Variants in DPP4 observed in about 807,000 individuals in gnomAD.
The protein encoded by DPP4 is ADCP-2.
In DPP4, 93 loss-of-function variants were observed where a neutral mutation model predicts 122.4. The observed-to-expected ratio is 0.76, with a 90% CI of 0.64 to 0.90. The LOEUF is 0.90. Among genes scored for constraint, DPP4 ranks in the 40% least tolerant of loss-of-function variants. DPP4 has a pLI of 0.00. For synonymous variants in DPP4, 321 were observed against 302.9 expected (o/e 1.06, Z -0.62); for missense variants, 914 against 907.3 (o/e 1.01, Z -0.09).
At chr2:162,040,662 T>C (rs1023277316) in intron 5 of DPP4, among the ~76,000 whole-genome samples, 1 of 152,010 alleles carries the variant, frequency 6.6e-6, no homozygotes, top group African/African-American at 2.4e-5. Flanking sequence ...TCAAGAGCCA[T>C]AGATTTGTCA....
At chr2:162,052,926 C>T (rs1377501361) in intron 2 of DPP4, among the ~76,000 whole-genome samples, 4 of 152,092 alleles carry the variant, frequency 2.6e-5, no homozygotes, top group African/African-American at 7.2e-5. Context: ...AAGTGGCACT[C>T]GGCTGAATTG....
chr2:162,027,215 G>A (rs537348170), intron 10 of DPP4, among the ~76,000 whole-genome samples: 8 of 152,146 alleles, frequency 5.3e-5, no homozygotes, highest in African/African-American at 1.9e-4. Context: ...GCCAGGTGTG[G>A]TGGCACACAC....
chr2:162,005,770 G>A lies in DPP4; in HGVS notation c.2027C>T (p.Pro676Leu), dbSNP rs1701267990. The A allele has an allele frequency of 6.2e-7, 1 of 1,613,070 alleles. No homozygotes were observed. Among genetic ancestry groups the A allele is most frequent in the East Asian group, 2.2e-5 (1 of 44,810 alleles). ...YTERYMGLPT[P>L]EDNLDHYRNS... is the part of the protein sequence containing the mutation. ...TCTGTAATGGTCAAGGTTGTCTTCT[G>A]GAGTTGGGAGACCCATGTAACGTTC... is the stretch of plus-strand genomic sequence containing the variant. Residue 676 changes from proline (P) to leucine (L), a missense_variant, in exon 23 of 26, where the codon CCA (proline) becomes CTA (leucine). Pro to Leu is a moderately conservative substitution (Grantham distance 98, BLOSUM62 -3). Coordinates refer to ENST00000360534, the MANE Select transcript of DPP4 (RefSeq NM_001935.4).
chr2:161,993,275 T>C lies in DPP4; in HGVS notation c.*8A>G. The C allele has an allele frequency of 6.3e-7, 1 of 1,597,768 alleles. No individual in the cohort carries two copies. Among genetic ancestry groups the C allele is most frequent in the Non-Finnish European group, 8.6e-7 (1 of 1,165,338 alleles). ...AATAAGCTTTAAATGGCATGGTATTTTGAGGTGCTAAGGTAAAGAGAAACA... is the reference window on the plus strand; with the variant it reads ...AATAAGCTTTAAATGGCATGGTATTCTGAGGTGCTAAGGTAAAGAGAAACA... On this transcript the variant is annotated 3_prime_UTR_variant, in exon 26 of 26. Transcript: ENST00000360534.
chr2:162,034,565 C>T (rs2160927), intron 9 of DPP4, among the ~76,000 whole-genome samples: 50,330 of 152,012 alleles, frequency 0.33, 8,762 homozygotes, highest in East Asian at 0.65. Flanking sequence ...GTGAAGAATT[C>T]CTGGTTCCCT....
rs1392041944 is a variant in DPP4 at position 162,017,130 on chromosome 2, TAG to T, written c.1444_1445del (p.Leu482ThrfsTer6). ...TACCTTTATCATTCACGCTGCTGTG[TAG>T]AGTATAGAGGGGCAGACCAGGACCT... is the stretch of plus-strand genomic sequence containing the variant. Reference protein sequence around the residue: ...CSGPGLPLYTLHSSVNDKGLR... With the variant: ...CSGPGLPLYTXHSSVNDKGLR... On this transcript the variant is annotated frameshift_variant, in exon 17 of 26. Coordinates refer to ENST00000360534, the MANE Select transcript of DPP4 (RefSeq NM_001935.4). LOFTEE classifies it high-confidence loss of function. 1.9e-5 allele frequency: 30 copies of T among 1,612,200 alleles called. No homozygotes were observed. Among genetic ancestry groups the T allele is most frequent in the Non-Finnish European group, 2.5e-5 (30 of 1,179,848 alleles).
intron 2 of DPP4, chr2:162,073,123 T>A (rs965005906): frequency 6.6e-6 from 2 of 303,988 alleles, no homozygotes; most frequent in African/African-American, 2.1e-5. Context: ...ATTGAAATTT[T>A]AAAAATCCCG....
chr2:162,024,249 C>T lies in DPP4; in HGVS notation c.1023+555G>A, dbSNP rs148438190. 1.9e-3 allele frequency among the ~76,000 whole-genome samples: 285 copies of T among 152,344 alleles called. 1 individual carries two copies. The highest frequency in any genetic ancestry group is 6.6e-3 in the African/African-American group (273 of 41,586). The stretch of plus-strand genomic sequence containing the variant: ...CATCCTAGTTGGACCTCATGGTCTC[C>T]TGGCTAGAAGCCTCCCAGCACCTCA... On this transcript the variant is annotated intron_variant, in intron 11 of 25. Coordinates refer to ENST00000360534, the MANE Select transcript of DPP4 (RefSeq NM_001935.4).
chr2:162,048,090 T>C (rs1295002593), intron 2 of DPP4, among the ~76,000 whole-genome samples: 1 of 152,168 alleles, frequency 6.6e-6, no homozygotes, highest in Non-Finnish European at 1.5e-5. Flanking sequence ...TTTCAGAGGC[T>C]TTGGGGCCCA....
intron 2 of DPP4, among the ~76,000 whole-genome samples, chr2:162,053,223 A>C (rs1331189444): frequency 2.6e-4 from 39 of 152,194 alleles, no homozygotes; most frequent in Admixed American, 2.6e-3. Flanking sequence ...AGTATGGAGA[A>C]TAGGAAGCCA....
intron 23 of DPP4, among the ~76,000 whole-genome samples, chr2:162,002,710 G>A (rs1701182290): frequency 6.6e-6 from 1 of 152,040 alleles, no homozygotes; most frequent in Non-Finnish European, 1.5e-5. Context: ...GAGGAGAAAA[G>A]AAAAACAACC....
intron 10 of DPP4, among the ~76,000 whole-genome samples, chr2:162,031,422 G>T (rs1189424422): frequency 1.3e-5 from 2 of 152,196 alleles, no homozygotes; most frequent in East Asian, 3.8e-4. Context: ...TCCTTAAAAA[G>T]TTTATAAACC....
At position 162,018,711 on chromosome 2, in the gene DPP4, C is replaced by T. The variant is rs761709278; in HGVS notation, c.1420+18G>A. 6.2e-7 allele frequency: 1 copy of T among 1,611,664 alleles called. No homozygotes were observed. Among genetic ancestry groups the T allele is most frequent in the Non-Finnish European group, 8.5e-7 (1 of 1,179,172 alleles). ...TAACAGCGGCGACTGCCCTCCCTCC[C>T]AGGGAGCTCAGACTTACCGGAACAT... On this transcript the variant is annotated intron_variant, in intron 16 of 25. Coordinates refer to ENST00000360534, the MANE Select transcript of DPP4 (RefSeq NM_001935.4).
intron 4 of DPP4, 29 bp downstream of exon 4, chr2:162,046,886 G>A: frequency 4.3e-6 from 6 of 1,379,996 alleles, no homozygotes; most frequent in Non-Finnish European, 6.2e-6. Context: ...AGAATTCTAT[G>A]CATGAATTAA....
intron 10 of DPP4, among the ~76,000 whole-genome samples, chr2:162,027,283 G>A (rs1361841230): frequency 6.6e-6 from 1 of 151,720 alleles, no homozygotes; most frequent in African/African-American, 2.4e-5. Flanking sequence ...CCCGGGAGAC[G>A]GAGGTTGTGA....
intron 5 of DPP4, among the ~76,000 whole-genome samples, chr2:162,040,593 A>C (rs1386488897): frequency 6.6e-6 from 1 of 152,032 alleles, no homozygotes; most frequent in Non-Finnish European, 1.5e-5. Context: ...AGGGATTTTT[A>C]GCACAGTCAA....
chr2:162,034,341 T>C (rs1314295783), intron 9 of DPP4, among the ~76,000 whole-genome samples: 1 of 152,184 alleles, frequency 6.6e-6, no homozygotes, highest in East Asian at 1.9e-4. Flanking sequence ...CATCAAAAAA[T>C]AACATTCCAC....
chr2:162,020,130 C>A, intron 14 of DPP4, 99 bp downstream of exon 14: 1 of 995,588 alleles, frequency 1.0e-6, no homozygotes, highest in Non-Finnish European at 1.5e-6. Context: ...TCCAAAAAGA[C>A]TACTCTTTAT....
At position 162,073,464 on chromosome 2, in the gene DPP4, C is replaced by A. The variant is rs765856882; in HGVS notation, c.29G>T (p.Gly10Val). The A allele has an allele frequency of 6.2e-7, 1 of 1,614,010 alleles. No individual in the cohort carries two copies. The highest frequency in any genetic ancestry group is 8.5e-7 in the Non-Finnish European group (1 of 1,180,020). MKTPWKVLL[G>V]LLGAAALVTI... is the part of the protein sequence containing the mutation. The stretch of plus-strand genomic sequence containing the variant: ...GACAAGCGCAGCAGCACCCAGCAGT[C>A]CCAGAAGAACCTTCCACGGTGTCTG... Residue 10 changes from glycine to valine, a missense_variant, in exon 2 of 26, where the codon GGA (glycine) becomes GTA (valine). Coordinates refer to ENST00000360534, the MANE Select transcript of DPP4 (RefSeq NM_001935.4).
Sources: gnomAD v4.1 joint callset for allele counts (sites outside exome capture counted in the v4.1 genomes callset) on GRCh38, gnomAD v4.1.1 for gene constraint, MANE v1.5 for transcripts, NCBI Gene and HGNC (gene_info 2026-07-23, HGNC 2026-07-21) for gene names.